Variants in EXTL3 observed in about 807,000 individuals in gnomAD.
EXTL3 encodes exostosin like glycosyltransferase 3.
A neutral mutation model predicts 69.3 loss-of-function variants in EXTL3; 27 were observed. That is an observed-to-expected ratio of 0.39 (90% CI 0.29 to 0.54). The LOEUF is 0.54. Ranked by LOEUF, EXTL3 falls within the 20% of genes least tolerant of loss-of-function variation. The pLI is 0.69. For synonymous variants in EXTL3, 511 were observed against 499.4 expected, an observed-to-expected ratio of 1.02 and a Z score of -0.31; for missense variants, 1,003 against 1,231.8, an observed-to-expected ratio of 0.81 and a Z score of 2.78.
intron 1 of EXTL3, among the ~76,000 whole-genome samples, chr8:28,673,213 C>G (rs1365941296): frequency 6.6e-6 from 1 of 152,206 alleles, no homozygotes; most frequent in Non-Finnish European, 1.5e-5. Context: ...ATTTTCATCA[C>G]TGTGTGGTTG....
At chr8:28,620,772 G>C (rs1032289375), upstream of EXTL3, among the ~76,000 whole-genome samples, 14 of 152,106 alleles carry the variant, frequency 9.2e-5, no homozygotes, top group African/African-American at 2.2e-4. Context: ...CTGTAGTACA[G>C]TGATGTAATC....
Position 28,716,226 on chromosome 8 carries a change from A to T in EXTL3, c.167A>T (p.Glu56Val). The T allele has an allele frequency of 6.2e-7, 1 of 1,614,184 alleles. No homozygotes were observed. The highest frequency in any genetic ancestry group is 1.1e-5 in the South Asian group (1 of 91,084). Residue 56 changes from glutamate to valine, a missense_variant, in exon 3 of 7, where the codon GAG becomes GTG. Coordinates refer to ENST00000220562, the MANE Select transcript of EXTL3 (RefSeq NM_001440.4). This position sits in a 1 kb window ranked among gnomAD's most constrained non-coding sequence, Gnocchi z 7.1. Reference protein sequence around the residue: ...IAHYYLTTLDEADEAGKRIFG... With the variant: ...IAHYYLTTLDVADEAGKRIFG... Reference sequence around the variant, plus strand: ...CACTATTACCTCACCACTCTGGATGAGGCTGATGAGGCAGGCAAGCGGATT... The same window carrying T: ...CACTATTACCTCACCACTCTGGATGTGGCTGATGAGGCAGGCAAGCGGATT...
chr8:28,717,532 C>A lies in EXTL3; in HGVS notation c.1473C>A (p.Thr491=). 1 of 1,614,210 alleles carries A rather than the reference C, an allele frequency of 6.2e-7. No individual in the cohort carries two copies. The change falls in exon 3 of 7, where the codon ACC becomes ACA. Residue 491 remains threonine (T), a synonymous_variant. Transcript: ENST00000220562. This position sits in a 1 kb window ranked among gnomAD's most constrained non-coding sequence, Gnocchi z 8.3. ...AALVVPKPRV[T]EVHFLLRSLS... is the part of the protein sequence containing the mutation. ...TGGTGGTGCCAAAGCCTCGTGTTACCGAGGTTCATTTCCTGCTCAGAAGCC... is the reference window on the plus strand; with the variant it reads ...TGGTGGTGCCAAAGCCTCGTGTTACAGAGGTTCATTTCCTGCTCAGAAGCC...
intron 1 of EXTL3, among the ~76,000 whole-genome samples, chr8:28,685,379 C>T (rs1807560414): frequency 6.7e-6 from 1 of 148,334 alleles, no homozygotes; most frequent in Admixed American, 6.8e-5. Flanking sequence ...CTTCTTTCTT[C>T]CTGTCTCCCT....
intron 1 of EXTL3, among the ~76,000 whole-genome samples, chr8:28,672,373 G>T (rs140926402): frequency 7.5e-6 from 1 of 132,896 alleles, no homozygotes; most frequent in African/African-American, 2.8e-5. Context: ...AGCCGAGATC[G>T]TGCCACTGCA....
At chr8:28,732,028 T>C (rs1032862013) in intron 4 of EXTL3, among the ~76,000 whole-genome samples, 4 of 152,064 alleles carry the variant, frequency 2.6e-5, no homozygotes, top group African/African-American at 9.7e-5. Flanking sequence ...TAGGAGTAAA[T>C]TGAGATAGAA....
intron 1 of EXTL3, among the ~76,000 whole-genome samples, chr8:28,668,865 C>CTTTTTTTTTTTTTTTT (rs999113088): frequency 6.4e-5 from 6 of 94,466 alleles, no homozygotes; most frequent in East Asian, 3.3e-4. Context: ...GATAGAATCT[C>CTTTTTTTTTTTTTTTT]TTTTTTTTTT....
chr8:28,622,347 C>T (rs1806421723), upstream of EXTL3, among the ~76,000 whole-genome samples: 1 of 152,256 alleles, frequency 6.6e-6, no homozygotes, highest in South Asian at 2.1e-4. Flanking sequence ...TATAGCCCTC[C>T]GCCGTGTGCA....
intron 1 of EXTL3, among the ~76,000 whole-genome samples, chr8:28,673,880 C>T (rs1431085222): frequency 1.3e-5 from 2 of 151,330 alleles, no homozygotes; most frequent in Non-Finnish European, 2.9e-5. Flanking sequence ...TGAACTGGTT[C>T]TGGGGTTTCT....
At chr8:28,690,838 G>C (rs138768714) in intron 1 of EXTL3, among the ~76,000 whole-genome samples, 2 of 152,282 alleles carry the variant, frequency 1.3e-5, no homozygotes, top group African/African-American at 4.8e-5. Context: ...CACTTTTGCT[G>C]TGTTCCATTG....
At chr8:28,705,382 C>T (rs547753316) in intron 1 of EXTL3, among the ~76,000 whole-genome samples, 2 of 152,204 alleles carry the variant, frequency 1.3e-5, no homozygotes, top group South Asian at 2.1e-4. Context: ...GCGTCTCAAG[C>T]TGAATTCACC....
At chr8:28,704,059 C>G (rs1563209873) in intron 1 of EXTL3, among the ~76,000 whole-genome samples, 1 of 152,126 alleles carries the variant, frequency 6.6e-6, no homozygotes, top group Non-Finnish European at 1.5e-5. Context: ...TTGCACAGTC[C>G]TTTTAAATTT....
rs191751116 is a variant in EXTL3, at chr8:28,623,206, G to C, written c.-53+396G>C. Among the ~76,000 whole-genome samples, 226 of 152,288 alleles carry C rather than the reference G, an allele frequency of 1.5e-3. No homozygotes were observed. Among genetic ancestry groups the C allele is most frequent in the African/African-American group, 5.1e-3 (210 of 41,558 alleles). Reference sequence around the variant, plus strand: ...TCCCGACCCCTGCTGCCTCGGGTACGGGGTAAGCGGCATCTGCCACGCGCC... The same window carrying C: ...TCCCGACCCCTGCTGCCTCGGGTACCGGGTAAGCGGCATCTGCCACGCGCC... On this transcript the variant is annotated intron_variant, in intron 1 of 6. Coordinates refer to the EXTL3 transcript ENST00000523149. The surrounding 1 kb of genome is among the most constrained non-coding windows in gnomAD (Gnocchi z 4.2).
intron 2 of EXTL3, among the ~76,000 whole-genome samples, chr8:28,617,160 C>G (rs1358023795): frequency 6.6e-6 from 1 of 152,086 alleles, no homozygotes; most frequent in Non-Finnish European, 1.5e-5. Flanking sequence ...CTACTCATGC[C>G]AAAAATTTCA....
chr8:28,689,334 A>T (rs1287864496), intron 1 of EXTL3, among the ~76,000 whole-genome samples: 1 of 151,908 alleles, frequency 6.6e-6, no homozygotes, highest in Non-Finnish European at 1.5e-5. Flanking sequence ...ATCACTGGGA[A>T]CTCTCTCCCA....
Position 28,750,874 on chromosome 8 carries a change from G to A in EXTL3, c.*8G>A, listed in dbSNP as rs762550030. The stretch of plus-strand genomic sequence containing the variant: ...TGCTTCAAGTTCATCTAGGGGCAGC[G>A]CACGGTCTGGGGAAGAGGATGAGCA... On this transcript the variant is annotated 3_prime_UTR_variant, in exon 7 of 7. Coordinates refer to ENST00000220562, the MANE Select transcript of EXTL3 (RefSeq NM_001440.4). The surrounding 1 kb of genome is among the most constrained non-coding windows in gnomAD (Gnocchi z 5.2). 9 of 1,612,460 alleles carry A rather than the reference G, an allele frequency of 5.6e-6. No homozygotes were observed. The highest frequency in any genetic ancestry group is 4.4e-5 in the South Asian group (4 of 91,066).
At chr8:28,745,605 T>C (rs1801873047) in intron 6 of EXTL3, among the ~76,000 whole-genome samples, 1 of 152,212 alleles carries the variant, frequency 6.6e-6, no homozygotes, top group African/African-American at 2.4e-5. Flanking sequence ...GGGACTGGAC[T>C]TGAGTCAAGA....
chr8:28,737,752 T>C (rs1212773839), intron 5 of EXTL3, 89 bp downstream of exon 5: 1 of 1,355,978 alleles, frequency 7.4e-7, no homozygotes, highest in East Asian at 2.3e-5. Context: ...TTAGCTCTCC[T>C]AACGCTTCTT....
chr8:28,700,860 CTG>C (rs1800770957), upstream of EXTL3: 1 of 152,270 alleles, frequency 6.6e-6, no homozygotes. Flanking sequence ...TTCCTTGGGA[CTG>C]TGGAAAACGT....
Sources: gnomAD v4.1 joint callset for allele counts (sites outside exome capture counted in the v4.1 genomes callset) on GRCh38, gnomAD v4.1.1 for gene constraint, Gnocchi (gnomAD v3.1) non-coding constraint, MANE v1.5 for transcripts, NCBI Gene and HGNC (gene_info 2026-07-23, HGNC 2026-07-21) for gene names.